The following MLIP variants were observed in gnomAD, a reference collection of about 807,000 sequenced individuals.
MLIP encodes muscular LMNA-interacting protein.
Under a neutral mutation model 84.8 loss-of-function variants are expected in MLIP, and 79 were observed. The ratio of observed to expected loss-of-function variants is 0.93; its 90% CI spans 0.78 to 1.12. The LOEUF is 1.12. Ranked by LOEUF, MLIP falls within the 50% of genes most tolerant of loss-of-function variation. The probability of loss-of-function intolerance (pLI) is 0.00; values close to 1 mark genes in which losing one functional copy is unlikely to be tolerated. For missense variants in MLIP, 1,257 were observed against 1,160.6 expected, an observed-to-expected ratio of 1.08 and a Z score of -1.21; for synonymous variants, 504 against 463.0, an observed-to-expected ratio of 1.09 and a Z score of -1.14.
chr6:54,160,363 C>T lies in MLIP; in HGVS notation c.2290-4C>T. On this transcript the variant is annotated splice_region_variant and splice_polypyrimidine_tract_variant and intron_variant, in intron 5 of 13. Transcript: ENST00000502396. ...CATATAAGAACTATTTCATTTGTCA[C>T]TAGGCACTAGATGAACCAGCCAAGA... 3 of 1,610,926 alleles carry T rather than the reference C, an allele frequency of 1.9e-6. No individual in the cohort carries two copies. The highest frequency in any genetic ancestry group is 1.7e-4 in the Middle Eastern group (1 of 6,042).
At chr6:54,153,936 C>A (rs375835578) in intron 5 of MLIP, among the ~76,000 whole-genome samples, 2 of 150,260 alleles carry the variant, frequency 1.3e-5, no homozygotes, top group East Asian at 3.9e-4. Context: ...ATTAGAGAAA[C>A]ATTGCTTAAT....
intron 1 of MLIP, among the ~76,000 whole-genome samples, chr6:54,037,798 G>A (rs1482327552): frequency 6.6e-6 from 1 of 151,936 alleles, no homozygotes; most frequent in African/African-American, 2.4e-5. Context: ...AGTGCTGAGT[G>A]CTTAAGGCAT....
At chr6:54,144,208 T>G (rs901656151) in intron 4 of MLIP, among the ~76,000 whole-genome samples, 1 of 152,136 alleles carries the variant, frequency 6.6e-6, no homozygotes, top group South Asian at 2.1e-4. Context: ...ATCTCAGGAC[T>G]GATGTCAGGG....
intron 9 of MLIP, among the ~76,000 whole-genome samples, chr6:54,173,389 A>T (rs1431719594): frequency 6.6e-6 from 1 of 151,858 alleles, no homozygotes; most frequent in East Asian, 1.9e-4. Context: ...CTTCAGCCTA[A>T]ACTTAGAAGG....
At chr6:54,076,997 G>T (rs531688660) in intron 1 of MLIP, among the ~76,000 whole-genome samples, 12 of 152,308 alleles carry the variant, frequency 7.9e-5, no homozygotes, top group Admixed American at 5.9e-4. Context: ...AAGGACTAGG[G>T]TGAATGATCC....
intron 1 of MLIP, chr6:54,030,780 T>C (rs1006719579): frequency 9.2e-5 from 14 of 152,198 alleles, no homozygotes; most frequent in African/African-American, 3.1e-4. Context: ...GAGTATAATA[T>C]GTATGGAGAC....
chr6:54,203,551 G>A (rs911505301), intron 11 of MLIP: 2 of 151,804 alleles, frequency 1.3e-5, no homozygotes, highest in African/African-American at 4.8e-5. Flanking sequence ...TGGGCAAGTG[G>A]TGTTATCTCT....
chr6:54,038,931 C>A (rs1259041016), intron 1 of MLIP, among the ~76,000 whole-genome samples: 1 of 151,788 alleles, frequency 6.6e-6, no homozygotes, highest in Non-Finnish European at 1.5e-5. Flanking sequence ...TGAAAACTAG[C>A]AAAAATTTTG....
intron 9 of MLIP, among the ~76,000 whole-genome samples, chr6:54,177,659 A>G (rs1196379552): frequency 6.6e-6 from 1 of 152,230 alleles, no homozygotes; most frequent in Non-Finnish European, 1.5e-5. Flanking sequence ...ACCTAGAACC[A>G]GAAATACCAT....
intron 1 of MLIP, among the ~76,000 whole-genome samples, chr6:54,040,197 C>G (rs901217765): frequency 1.3e-5 from 2 of 151,888 alleles, no homozygotes; most frequent in African/African-American, 2.4e-5. Context: ...ACTGAGGATA[C>G]AGTAGATCAC....
intron 5 of MLIP, among the ~76,000 whole-genome samples, chr6:54,158,112 G>A (rs1774230671): frequency 6.6e-6 from 1 of 152,052 alleles, no homozygotes; most frequent in Non-Finnish European, 1.5e-5. Context: ...CTTGGTCAAG[G>A]CTAATAGTTC....
chr6:54,207,598 T>G (rs781537639), intron 11 of MLIP, among the ~76,000 whole-genome samples: 1 of 152,198 alleles, frequency 6.6e-6, no homozygotes, highest in East Asian at 1.9e-4. Context: ...TATTTGCTTT[T>G]AAAACAGCAA....
chr6:54,153,798 G>A (rs985540640), intron 5 of MLIP, among the ~76,000 whole-genome samples: 5 of 148,252 alleles, frequency 3.4e-5, no homozygotes, highest in African/African-American at 1.3e-4. Context: ...GTTGCAGTGA[G>A]CCGAGATCGC....
At chr6:54,224,784 C>G (rs773069624) in intron 11 of MLIP, among the ~76,000 whole-genome samples, 4 of 151,900 alleles carry the variant, frequency 2.6e-5, no homozygotes, top group Admixed American at 6.6e-5. Context: ...CATTCTTAGG[C>G]CTTTGCATCC....
chr6:54,212,055 C>T (rs962585948), intron 11 of MLIP, among the ~76,000 whole-genome samples: 1 of 152,148 alleles, frequency 6.6e-6, no homozygotes, highest in Non-Finnish European at 1.5e-5. Context: ...AGCTTCTACT[C>T]ATGGTAGCTC....
At chr6:54,146,601 G>A (rs1451373103) in intron 4 of MLIP, among the ~76,000 whole-genome samples, 1 of 152,218 alleles carries the variant, frequency 6.6e-6, no homozygotes, top group Non-Finnish European at 1.5e-5. Flanking sequence ...AGACCTGAAT[G>A]TTCTGCCTTG....
At chr6:54,252,272 A>T (rs1782664357) in intron 12 of MLIP, among the ~76,000 whole-genome samples, 1 of 112,552 alleles carries the variant, frequency 8.9e-6, no homozygotes, top group Admixed American at 1.1e-4. Context: ...TATAATATAT[A>T]ATATAACTAT....
intron 3 of MLIP, among the ~76,000 whole-genome samples, chr6:54,130,951 A>G (rs1427210823): frequency 1.3e-5 from 2 of 152,180 alleles, no homozygotes; most frequent in African/African-American, 4.8e-5. Context: ...GGAGTGAGAG[A>G]TTAGAAGAGT....
chr6:54,021,193 T>A (rs1419526542), intron 1 of MLIP, among the ~76,000 whole-genome samples: 1 of 152,176 alleles, frequency 6.6e-6, no homozygotes, highest in Non-Finnish European at 1.5e-5. Flanking sequence ...AGTTGAAAAA[T>A]GTATTTTTGT....
Sources: allele counts gnomAD v4.1 joint callset (sites outside exome capture counted in the v4.1 genomes callset), GRCh38; gene constraint gnomAD v4.1.1; transcripts MANE v1.5; gene names NCBI Gene and HGNC (gene_info 2026-07-23, HGNC 2026-07-21).